The following ZFYVE28 variants were observed in gnomAD, a reference collection of about 807,000 sequenced individuals.
ZFYVE28 encodes the protein zinc finger FYVE-type containing 28.
Under a neutral mutation model 82.1 loss-of-function variants are expected in ZFYVE28, and 40 were observed. The observed-to-expected ratio is 0.49, with a 90% CI of 0.38 to 0.63. The LOEUF is 0.63. Among genes scored for constraint, ZFYVE28 ranks in the 30% least tolerant of loss-of-function variants. The pLI is 0.00. For synonymous variants in ZFYVE28, 612 were observed against 546.1 expected (o/e 1.12, Z -1.68); for missense variants, 1,321 against 1,242.1 (o/e 1.06, Z -0.96).
At position 2,341,033 on chromosome 4, in the gene ZFYVE28, A is replaced by C. The variant is rs1722712446; in HGVS notation, c.318+445T>G. ...AAGGGCACCTTCCTCTCGGTGCCTC[A>C]GTTTCCTGATTGGGAGATGAAGATG... On this transcript the variant is annotated intron_variant, in intron 3 of 12. Coordinates refer to ENST00000290974, the MANE Select transcript of ZFYVE28 (RefSeq NM_020972.3). This position sits in a 1 kb window ranked among gnomAD's most constrained non-coding sequence, Gnocchi z 4.5. Among the ~76,000 whole-genome samples the C allele has an allele frequency of 6.6e-6, 1 of 151,636 alleles. No homozygotes were observed. The highest frequency in any genetic ancestry group is 2.4e-5 in the African/African-American group (1 of 41,306).
chr4:2,271,833 C>G (rs1735940551), intron 10 of ZFYVE28, 54 bp from the exon 11 acceptor site: 2 of 1,532,840 alleles, frequency 1.3e-6, no homozygotes, highest in Admixed American at 1.7e-5. Context: ...GCAATTGATG[C>G]AGGGTCACCT....
Position 2,318,045 on chromosome 4 carries a change from C to T in ZFYVE28, c.803+2125G>A, listed in dbSNP as rs535032550. 1.1e-3 allele frequency among the ~76,000 whole-genome samples: 164 copies of T among 152,364 alleles called. 1 individual carries two copies. In the South Asian group the frequency reaches 0.031, roughly 29 times the overall value. ...GACTGGCAGGCGTGCTGCTTGAATG[C>T]CCCCAAGCTGCCAGCCTGTTTCACC... On this transcript the variant is annotated intron_variant, in intron 7 of 12. Transcript: ENST00000290974.
At chr4:2,395,537 C>T (rs936213792) in intron 1 of ZFYVE28, among the ~76,000 whole-genome samples, 3 of 152,148 alleles carry the variant, frequency 2.0e-5, no homozygotes, top group African/African-American at 7.2e-5. Flanking sequence ...TCAGCACAGC[C>T]TGGCTGTCAC....
At chr4:2,279,518 A>G (rs377587047) in intron 8 of ZFYVE28, among the ~76,000 whole-genome samples, 159 of 152,070 alleles carry the variant, frequency 1.0e-3, no homozygotes, top group East Asian at 5.6e-3. Flanking sequence ...AGTGGCTCAC[A>G]CCTGTAATCC....
intron 12 of ZFYVE28, 93 bp from the exon 13 acceptor site, chr4:2,270,949 G>A: frequency 6.6e-7 from 1 of 1,520,442 alleles, no homozygotes; most frequent in Admixed American, 2.0e-5. Context: ...ACCCAGCTCA[G>A]GCCGCATTGG....
chr4:2,375,590 G>A (rs1728041284), intron 1 of ZFYVE28, among the ~76,000 whole-genome samples: 2 of 152,152 alleles, frequency 1.3e-5, no homozygotes, highest in African/African-American at 2.4e-5. Context: ...GAGGTAGCTT[G>A]CCCCACACAC....
intron 2 of ZFYVE28, among the ~76,000 whole-genome samples, chr4:2,342,172 G>T (rs371963699): frequency 6.6e-6 from 1 of 152,162 alleles, no homozygotes; most frequent in East Asian, 1.9e-4. Context: ...GCACAGCTGG[G>T]GCCTGCTCCT....
chr4:2,355,087 G>A (rs1444815315), intron 1 of ZFYVE28, among the ~76,000 whole-genome samples: 7 of 150,634 alleles, frequency 4.6e-5, no homozygotes, highest in Middle Eastern at 3.4e-3. Flanking sequence ...CACGGCCACC[G>A]TCCCTTGGCA....
intron 7 of ZFYVE28, among the ~76,000 whole-genome samples, chr4:2,315,351 T>C (rs1718052257): frequency 6.6e-6 from 1 of 152,208 alleles, no homozygotes; most frequent in South Asian, 2.1e-4. Flanking sequence ...GGTGGCGTGA[T>C]CTCTGCTCAC....
chr4:2,298,259 A>G (rs1362383017), intron 8 of ZFYVE28, among the ~76,000 whole-genome samples: 138 of 134,640 alleles, frequency 1.0e-3, no homozygotes, highest in Middle Eastern at 4.2e-3. Context: ...ACAGTGACAC[A>G]GCGGGCTGTG....
intron 6 of ZFYVE28, chr4:2,330,671 G>C (rs1367074383): frequency 7.0e-7 from 1 of 1,432,778 alleles, no homozygotes; most frequent in Non-Finnish European, 9.1e-7. Context: ...ACCATGGAGA[G>C]GACAGCATGG....
intron 1 of ZFYVE28, among the ~76,000 whole-genome samples, chr4:2,380,752 G>A (rs571175019): frequency 9.2e-5 from 14 of 152,286 alleles, no homozygotes; most frequent in African/African-American, 2.4e-4. Context: ...AGGGGTTTTC[G>A]CTTTTGCATC....
chr4:2,290,314 T>C (rs1713423018), intron 8 of ZFYVE28, among the ~76,000 whole-genome samples: 1 of 152,154 alleles, frequency 6.6e-6, no homozygotes, highest in African/African-American at 2.4e-5. Context: ...TCTCCTCAGC[T>C]ACAGAACAGG....
intron 1 of ZFYVE28, among the ~76,000 whole-genome samples, chr4:2,359,060 A>C (rs111277048): frequency 0.015 from 2,145 of 147,862 alleles, 50 homozygotes; most frequent in African/African-American, 0.051. Context: ...CTGCAAGCTC[A>C]GCCTCCCGGG....
intron 1 of ZFYVE28, among the ~76,000 whole-genome samples, chr4:2,367,046 G>A (rs779053468): frequency 1.3e-5 from 2 of 152,186 alleles, no homozygotes; most frequent in African/African-American, 2.4e-5. Context: ...CAAGAACACC[G>A]ACTGCAGAAA....
intron 5 of ZFYVE28, among the ~76,000 whole-genome samples, chr4:2,336,689 G>A (rs1009725556): frequency 6.6e-6 from 1 of 152,004 alleles, no homozygotes; most frequent in Non-Finnish European, 1.5e-5. Flanking sequence ...GAGGAGGTGA[G>A]GAGTGAGAAT....
At chr4:2,412,915 G>C (rs1344205538) in intron 1 of ZFYVE28, among the ~76,000 whole-genome samples, 1 of 152,122 alleles carries the variant, frequency 6.6e-6, no homozygotes, top group Non-Finnish European at 1.5e-5. Flanking sequence ...TCCCTCCCCC[G>C]TCTGCCCTGC....
intron 1 of ZFYVE28, among the ~76,000 whole-genome samples, chr4:2,383,545 G>A (rs893013190): frequency 3.3e-5 from 5 of 152,166 alleles, no homozygotes; most frequent in African/African-American, 9.7e-5. Flanking sequence ...TTCCCTTAGT[G>A]GCAGCGCACT....
rs111522214 is a variant in ZFYVE28 at position 2,374,304 on chromosome 4, C to G, written c.40-20231G>C. Among the ~76,000 whole-genome samples the G allele has an allele frequency of 6.3e-3, 967 of 152,294 alleles. 11 individuals are homozygous for G. Among genetic ancestry groups the G allele is most frequent in the African/African-American group, 0.022 (915 of 41,556 alleles). The stretch of plus-strand genomic sequence containing the variant: ...AAGCTGAAGGCTGTTAGTACAAGGA[C>G]AGATGTCAGTCAGAATCCTGTTTCA... On this transcript the variant is annotated intron_variant, in intron 1 of 12. Transcript: ENST00000290974.
Sources: allele counts gnomAD v4.1 joint callset (sites outside exome capture counted in the v4.1 genomes callset), GRCh38; gene constraint gnomAD v4.1.1; non-coding constraint Gnocchi (gnomAD v3.1); transcripts MANE v1.5; gene names NCBI Gene and HGNC (gene_info 2026-07-23, HGNC 2026-07-21).